Variants in RNF212B observed in about 807,000 individuals in gnomAD.
The protein encoded by RNF212B is ring finger protein 212B, also known as E3 ubiquitin-protein ligase RNF212B.
A neutral mutation model predicts 55.5 loss-of-function variants in RNF212B; 52 were observed. The observed-to-expected ratio is 0.94, with a 90% confidence interval of 0.75 to 1.18. The LOEUF is 1.18. Among genes scored for constraint, RNF212B ranks in the 50% most tolerant of loss-of-function variants. RNF212B has a pLI of 0.00. For synonymous variants in RNF212B, 99 were observed against 121.4 expected (o/e 0.82, Z 1.21); for missense variants, 289 against 350.4 (o/e 0.82, Z 1.40).
At chr14:23,210,497 G>T (rs545303213) in intron 2 of RNF212B, among the ~76,000 whole-genome samples, 1 of 152,168 alleles carries the variant, frequency 6.6e-6, no homozygotes, top group Non-Finnish European at 1.5e-5. Flanking sequence ...TGTAGGATGG[G>T]GTGGGCGTGG....
intron 1 of RNF212B, chr14:23,185,592 C>T (rs17183905): frequency 0.045 from 6,916 of 152,204 alleles, 190 homozygotes; most frequent in Non-Finnish European, 0.061. Flanking sequence ...TTGCTAAAAC[C>T]AGTGCAAACT....
intron 2 of RNF212B, among the ~76,000 whole-genome samples, chr14:23,242,081 C>CAAAAAAAAAAAAAAAA (rs58497672): frequency 4.4e-4 from 16 of 36,648 alleles, no homozygotes; most frequent in East Asian, 9.1e-4. Context: ...GACTCCGTCT[C>CAAAAAAAAAAAAAAAA]AAAAAAAAAA....
chr14:23,226,258 C>G (rs1881997355), intron 2 of RNF212B, among the ~76,000 whole-genome samples: 1 of 136,114 alleles, frequency 7.3e-6, no homozygotes, highest in South Asian at 2.3e-4. Flanking sequence ...AGATCGCTCG[C>G]TGCACTCTAG....
intron 4 of RNF212B, among the ~76,000 whole-genome samples, chr14:23,248,248 CT>C (rs1279643921): frequency 3.3e-5 from 5 of 151,778 alleles, no homozygotes; most frequent in African/African-American, 1.2e-4. Context: ...TCACCTCACC[CT>C]CCCAGGTAGC....
chr14:23,229,243 T>TATAC (rs2140417208), intron 2 of RNF212B, among the ~76,000 whole-genome samples: 1 of 113,374 alleles, frequency 8.8e-6, no homozygotes, highest in East Asian at 2.3e-4. Context: ...TATATATATA[T>TATAC]ATATATATAT....
At chr14:23,269,780 A>T in intron 12 of RNF212B, 83 bp from the exon 13 acceptor site, 2 of 744,748 alleles carry the variant, frequency 2.7e-6, no homozygotes, top group Non-Finnish European at 4.6e-6. Flanking sequence ...GCCTAGCTGT[A>T]TAGGCTCTTC....
At chr14:23,191,324 G>A (rs1040810508) in intron 1 of RNF212B, among the ~76,000 whole-genome samples, 4 of 149,484 alleles carry the variant, frequency 2.7e-5, no homozygotes, top group African/African-American at 9.9e-5. Flanking sequence ...ACTGCACCCT[G>A]GGCGACAAAG....
At chr14:23,244,755 G>A (rs1478542177) in intron 4 of RNF212B, among the ~76,000 whole-genome samples, 1 of 152,198 alleles carries the variant, frequency 6.6e-6, no homozygotes, top group Non-Finnish European at 1.5e-5. Context: ...GCAAACAATA[G>A]GTTTGATGGT....
chr14:23,220,173 A>C (rs1881432983), intron 2 of RNF212B, among the ~76,000 whole-genome samples: 1 of 148,486 alleles, frequency 6.7e-6, no homozygotes, highest in South Asian at 2.1e-4. Flanking sequence ...AACAAGAGCA[A>C]AACTGTCTCG....
Position 23,192,820 on chromosome 14 carries a change from G to A in RNF212B, c.-78-505G>A, listed in dbSNP as rs527425264. On this transcript the variant is annotated intron_variant, in intron 1 of 15. Coordinates refer to the RNF212B transcript ENST00000399910. ...AAAATATAGCTTTATGGCCAGGTGC[G>A]GTGGCTCATGCCTGTAATCCCAGCA... is the stretch of plus-strand genomic sequence containing the variant. Among the ~76,000 whole-genome samples, 14 of 152,066 alleles carry A rather than the reference G, an allele frequency of 9.2e-5. 1 individual carries two copies. Among genetic ancestry groups the A allele is most frequent in the African/African-American group, 2.9e-4 (12 of 41,470 alleles).
chr14:23,264,775 T>A, intron 11 of RNF212B, 104 bp downstream of exon 11: 1 of 637,642 alleles, frequency 1.6e-6, no homozygotes, highest in Non-Finnish European at 2.3e-6. Context: ...ACTTGTTTTT[T>A]TTTCCTGACA....
intron 11 of RNF212B, among the ~76,000 whole-genome samples, 188 bp from the exon 12 acceptor site, chr14:23,268,736 G>C (rs549662618): frequency 4.6e-5 from 7 of 152,188 alleles, no homozygotes; most frequent in Non-Finnish European, 1.0e-4. Context: ...TCATGAAAGG[G>C]AGAGGAAAGC....
chr14:23,205,175 CA>C (rs575464623), intron 2 of RNF212B, among the ~76,000 whole-genome samples: 1 of 151,936 alleles, frequency 6.6e-6, no homozygotes, highest in Non-Finnish European at 1.5e-5. Flanking sequence ...ACTACACACA[CA>C]AAAAATCTCT....
intron 3 of RNF212B, 128 bp from the exon 4 acceptor site, chr14:23,244,194 C>CGGTGGTCGA: frequency 1.8e-6 from 1 of 552,444 alleles, no homozygotes. Flanking sequence ...GTGGAGATCT[C>CGGTGGTCGA]CCTTTTACAC....
At chr14:23,235,229 G>T (rs1017083526), upstream of RNF212B, among the ~76,000 whole-genome samples, 2 of 150,884 alleles carry the variant, frequency 1.3e-5, no homozygotes, top group Non-Finnish European at 3.0e-5. Flanking sequence ...AAAAAAAATA[G>T]CCAGGCAAGG....
intron 2 of RNF212B, among the ~76,000 whole-genome samples, chr14:23,224,774 G>T (rs1285474530): frequency 6.6e-6 from 1 of 152,118 alleles, no homozygotes; most frequent in African/African-American, 2.4e-5. Context: ...AAGTTAAAAA[G>T]CTTCTGCACA....
chr14:23,268,458 C>T (rs1032932636), intron 11 of RNF212B, among the ~76,000 whole-genome samples: 2 of 152,212 alleles, frequency 1.3e-5, no homozygotes, highest in Non-Finnish European at 2.9e-5. Context: ...CAGATTACTA[C>T]AAGCCCTTTG....
intron 2 of RNF212B, among the ~76,000 whole-genome samples, chr14:23,231,210 G>A (rs184379135): frequency 2.2e-4 from 34 of 152,240 alleles, no homozygotes; most frequent in African/African-American, 7.5e-4. Flanking sequence ...GGATGCTATT[G>A]TAAACAATAT....
intron 2 of RNF212B, among the ~76,000 whole-genome samples, chr14:23,208,877 G>GC (rs1289993874): frequency 1.2e-3 from 174 of 147,310 alleles, no homozygotes; most frequent in African/African-American, 4.0e-3. Flanking sequence ...TCCTGACTCA[G>GC]CCCCCTGAGT....
Sources: gnomAD v4.1 joint callset for allele counts (sites outside exome capture counted in the v4.1 genomes callset) on GRCh38, gnomAD v4.1.1 for gene constraint, MANE v1.5 for transcripts, NCBI Gene and HGNC (gene_info 2026-07-23, HGNC 2026-07-21) for gene names.